PFAS: variants seen among roughly 807,000 people sequenced by gnomAD.
The protein encoded by PFAS is phosphoribosylformylglycinamidine synthase, also known as FGAM synthase.
A neutral mutation model predicts 140.6 loss-of-function variants in PFAS; 97 were observed. The observed-to-expected ratio is 0.69, with a 90% CI of 0.59 to 0.82. The LOEUF (loss-of-function observed/expected upper bound fraction) is 0.82. Among genes scored for constraint, PFAS ranks in the 40% least tolerant of loss-of-function variants. The pLI, the probability that PFAS is intolerant of heterozygous loss-of-function variation, is 0.00. For synonymous variants in PFAS, 679 were observed against 718.8 expected (o/e 0.94, Z 0.88); for missense variants, 1,656 against 1,780.2 (o/e 0.93, Z 1.26).
rs538437812 is a variant in PFAS, at chr17:8,257,331, C to T, written c.1075+368C>T. 2.2e-4 allele frequency among the ~76,000 whole-genome samples: 34 copies of T among 151,700 alleles called. No homozygotes were observed. In the South Asian group the frequency reaches 6.4e-3, roughly 29 times the overall value. On this transcript the variant is annotated intron_variant, in intron 9 of 27. Transcript: ENST00000314666. ...CAGCACTTTGGGAGGCTGAGGTGGG[C>T]GGATCACAAGGTCAGGAGATCAAAA...
chr17:8,265,167 C>T (rs1387809968), intron 18 of PFAS, 42 bp downstream of exon 18: 2 of 1,579,474 alleles, frequency 1.3e-6, no homozygotes, highest in Non-Finnish European at 1.7e-6. Context: ...CCCCGGGCTT[C>T]AGGACCCTTC....
chr17:8,266,400 C>A lies in PFAS; in HGVS notation c.2821+47C>A. On this transcript the variant is annotated intron_variant, in intron 22 of 27. Coordinates refer to ENST00000314666, the MANE Select transcript of PFAS (RefSeq NM_012393.3). The surrounding 1 kb of genome is among the most constrained non-coding windows in gnomAD (Gnocchi z 5.0). ...CTCAGGCCCGGGCTGCCTTCTCTAC[C>A]CTGCAGACCCCATTTCCAATATATT... is the stretch of plus-strand genomic sequence containing the variant. 1.9e-6 allele frequency: 3 copies of A among 1,610,126 alleles called. No individual in the cohort carries two copies. The highest frequency in any genetic ancestry group is 2.5e-6 in the Non-Finnish European group (3 of 1,178,148).
Position 8,268,517 on chromosome 17 carries a change from C to G in PFAS, c.3383-16C>G. The G allele has an allele frequency of 6.2e-7, 1 of 1,603,080 alleles. No individual in the cohort carries two copies. Among genetic ancestry groups the G allele is most frequent in the Non-Finnish European group, 8.5e-7 (1 of 1,172,702 alleles). Reference sequence around the variant, plus strand: ...GGTCCTCCATGTCTCACCCTGACTTCCCTATTCCCTGCTAGGGTGGGCAGC... The same window carrying G: ...GGTCCTCCATGTCTCACCCTGACTTGCCTATTCCCTGCTAGGGTGGGCAGC... On this transcript the variant is annotated splice_polypyrimidine_tract_variant and intron_variant, in intron 26 of 27. Transcript: ENST00000314666.
intron 1 of PFAS, among the ~76,000 whole-genome samples, chr17:8,253,214 C>G (rs1396002134): frequency 6.6e-6 from 1 of 152,164 alleles, no homozygotes; most frequent in Non-Finnish European, 1.5e-5. Context: ...GGTACTTGGC[C>G]TTTCTCCCCC....
intron 1 of PFAS, among the ~76,000 whole-genome samples, chr17:8,252,391 C>G (rs1989190720): frequency 6.6e-6 from 1 of 151,964 alleles, no homozygotes; most frequent in Non-Finnish European, 1.5e-5. Flanking sequence ...ATCAGAGATC[C>G]TTTTTTGTTT....
rs199798053 is a variant in PFAS, at chr17:8,269,175, C to T, written c.3928C>T (p.Arg1310Ter). The T allele has an allele frequency of 1.4e-5, 22 of 1,613,512 alleles. No homozygotes were observed. Among genetic ancestry groups the T allele is most frequent in the East Asian group, 2.2e-5 (1 of 44,888 alleles). ...CGTTAGGCCTTGGCAGTGGGCATGG[C>T]GACCCCCTCCATTTGATACTCTGAC... The part of the protein sequence containing the change: ...RAVRPWQWAW[R>*]PPPFDTLTTS... The change falls in exon 28 of 28, where the codon CGA (arginine) becomes TGA (stop). Residue 1310 changes from arginine (R) to a stop codon, truncating the protein, a stop_gained. Coordinates refer to ENST00000314666, the MANE Select transcript of PFAS (RefSeq NM_012393.3). LOFTEE classifies it high-confidence loss of function.
intron 1 of PFAS, 46 bp from the exon 2 acceptor site, chr17:8,253,813 A>C: frequency 7.2e-7 from 1 of 1,389,878 alleles, no homozygotes; most frequent in East Asian, 2.5e-5. Flanking sequence ...TGCTGGGGTT[A>C]CAGATGTGAG....
At chr17:8,265,516 GTT>G (rs747087704) in intron 19 of PFAS, 38 bp from the exon 20 acceptor site, 1 of 1,613,422 alleles carries the variant, frequency 6.2e-7, no homozygotes, top group East Asian at 2.2e-5. Flanking sequence ...ATGGAGCTGG[GTT>G]GGCAACTCAT....
At chr17:8,263,729 G>A in intron 14 of PFAS, 46 bp from the exon 15 acceptor site, 1 of 1,608,378 alleles carries the variant, frequency 6.2e-7, no homozygotes, top group Non-Finnish European at 8.5e-7. Context: ...TGAGACGTGG[G>A]AGTGCCCACT....
intron 4 of PFAS, 141 bp from the exon 5 acceptor site, chr17:8,255,361 C>A: frequency 1.4e-6 from 1 of 695,080 alleles, no homozygotes; most frequent in Non-Finnish European, 2.4e-6. Flanking sequence ...CTGGAAAGGG[C>A]GTCTTTTTGT....
chr17:8,263,018 A>G, intron 12 of PFAS, 25 bp downstream of exon 12: 7 of 1,612,102 alleles, frequency 4.3e-6, no homozygotes, highest in Non-Finnish European at 5.9e-6. Flanking sequence ...CTAAAGGTGC[A>G]GAATCCTTGA....
In PFAS at chr17:8,268,821, G is replaced by T. The variant is rs1413560249; in HGVS notation, c.3671G>T (p.Gly1224Val). 6.2e-7 allele frequency: 1 copy of T among 1,607,634 alleles called. No individual in the cohort carries two copies. Among genetic ancestry groups the T allele is most frequent in the African/African-American group, 1.3e-5 (1 of 74,934 alleles). ...GCCCTGATGCTGCGAGGGATGGAGG[G>T]CGCCGTGCTGCCCGTGTGGAGTGCG... ...GPALMLRGME[G>V]AVLPVWSAHG... is the part of the protein sequence containing the mutation. Residue 1224 changes from glycine to valine, a missense_variant, in exon 27 of 28, where the codon GGC (glycine) becomes GTC (valine). This residue lies in a region of PFAS where 883 missense variants were observed against 1,023.0 expected (regional missense o/e 0.86). Coordinates refer to ENST00000314666, the MANE Select transcript of PFAS (RefSeq NM_012393.3).
At chr17:8,249,852 C>G (rs998675724) in intron 1 of PFAS, among the ~76,000 whole-genome samples, 1 of 152,122 alleles carries the variant, frequency 6.6e-6, no homozygotes, top group Non-Finnish European at 1.5e-5. Flanking sequence ...TGGTATTGTT[C>G]TAAGCCTTGG....
intron 1 of PFAS, among the ~76,000 whole-genome samples, chr17:8,251,373 A>C (rs747819709): frequency 6.6e-6 from 1 of 151,364 alleles, no homozygotes. Context: ...CCTCAAACTC[A>C]TGGGCTCAAG....
rs202212474 is a variant in PFAS at position 8,267,892 on chromosome 17, AATATATATTATTT to A, written c.3382+247_3382+259del. Among the ~76,000 whole-genome samples, 21,634 of 144,830 alleles carry A rather than the reference AATATATATTATTT, an allele frequency of 0.15. 2,117 individuals are homozygous for A. Among genetic ancestry groups the A allele is most frequent in the Non-Finnish European group, 0.22 (14,837 of 66,320 alleles). ...TATGTAATTAAAATATATATTATTA[AATATATATTATTT>A]ATATATATTATTTATATATTATTAA... On this transcript the variant is annotated intron_variant, in intron 26 of 27. Transcript: ENST00000314666. This position sits in a 1 kb window ranked among gnomAD's most constrained non-coding sequence, Gnocchi z 4.9.
intron 11 of PFAS, among the ~76,000 whole-genome samples, chr17:8,261,380 G>A (rs1218888459): frequency 6.6e-6 from 1 of 151,848 alleles, no homozygotes; most frequent in Non-Finnish European, 1.5e-5. Context: ...GGGATTACAG[G>A]CACGTGCCAC....
Position 8,262,943 on chromosome 17 carries a change from G to T in PFAS, c.1360G>T (p.Gly454Cys). ...EPGMEVVKVG[G>C]PVYRIGVGGG... ...AGGCATGGAAGTTGTAAAGGTTGGA[G>T]GTCCCGTCTACAGGATTGGAGTTGG... Residue 454 changes from glycine to cysteine, a missense_variant, in exon 12 of 28, where the codon GGT becomes TGT. Gly to Cys is a radical substitution (Grantham distance 159, BLOSUM62 -3). Transcript: ENST00000314666. 1 of 1,614,078 alleles carries T rather than the reference G, an allele frequency of 6.2e-7. No individual in the cohort carries two copies. The highest frequency in any genetic ancestry group is 1.7e-5 in the Admixed American group (1 of 60,018).
At chr17:8,256,714 C>T in intron 8 of PFAS, 66 bp downstream of exon 8, 4 of 1,580,664 alleles carry the variant, frequency 2.5e-6, no homozygotes, top group Non-Finnish European at 3.4e-6. Flanking sequence ...GTCCCAGGCC[C>T]CTGGAGTGGG....
chr17:8,253,333 G>A (rs1342802543), intron 1 of PFAS, among the ~76,000 whole-genome samples: 3 of 152,248 alleles, frequency 2.0e-5, no homozygotes, highest in Non-Finnish European at 2.9e-5. Context: ...CCAGGAACAC[G>A]TGTCAGGTGT....
Sources: allele counts gnomAD v4.1 joint callset (sites outside exome capture counted in the v4.1 genomes callset), GRCh38; gene constraint gnomAD v4.1.1; regional missense constraint gnomAD v4.1.1; non-coding constraint Gnocchi (gnomAD v3.1); transcripts MANE v1.5; gene names NCBI Gene and HGNC (gene_info 2026-07-23, HGNC 2026-07-21).